ARPP21: variants seen among roughly 807,000 people sequenced by gnomAD.
ARPP21 encodes the protein cAMP regulated phosphoprotein 21, also known as cAMP-regulated phosphoprotein 21.
Under a neutral mutation model 113.2 loss-of-function variants are expected in ARPP21, and 69 were observed. The ratio of observed to expected loss-of-function variants is 0.61; its 90% CI spans 0.50 to 0.74. ARPP21 has a LOEUF of 0.74. ARPP21 is among the 30% of genes least tolerant of loss of function. The pLI, the probability that ARPP21 is intolerant of heterozygous loss-of-function variation, is 0.00. For synonymous variants in ARPP21, 368 were observed against 375.5 expected (o/e 0.98, Z 0.23); for missense variants, 1,070 against 1,037.4 (o/e 1.03, Z -0.43).
chr3:35,683,000 T>TG, intron 4 of ARPP21, 111 bp downstream of exon 4: 1 of 1,082,354 alleles, frequency 9.2e-7, no homozygotes, highest in Non-Finnish European at 1.3e-6. Context: ...CCAGATATTG[T>TG]GGGGCATCTC....
At chr3:35,748,526 A>G (rs969408642) in intron 19 of ARPP21, among the ~76,000 whole-genome samples, 5 of 152,104 alleles carry the variant, frequency 3.3e-5, no homozygotes, top group African/African-American at 9.7e-5. Flanking sequence ...GAAAGAGGAA[A>G]GAAAAGCAGT....
intron 19 of ARPP21, among the ~76,000 whole-genome samples, chr3:35,791,426 C>T (rs1362085964): frequency 6.6e-6 from 1 of 152,108 alleles, no homozygotes; most frequent in African/African-American, 2.4e-5. Flanking sequence ...CTGGAAGGAG[C>T]TTATTATACA....
intron 19 of ARPP21, among the ~76,000 whole-genome samples, chr3:35,748,058 A>AGAAGGAAG (rs754411154): frequency 0.052 from 4,185 of 80,578 alleles, 95 homozygotes; most frequent in South Asian, 0.063. Flanking sequence ...AAGAAAAGGA[A>AGAAGGAAG]GAAGGAAGGA....
intron 19 of ARPP21, chr3:35,785,087 A>G (rs904542899): frequency 6.6e-6 from 1 of 152,158 alleles, no homozygotes; most frequent in African/African-American, 2.4e-5. Flanking sequence ...TCATGGGGAC[A>G]GTTATTAGAG....
chr3:35,727,677 C>T (rs943784928), intron 14 of ARPP21, among the ~76,000 whole-genome samples: 4 of 152,058 alleles, frequency 2.6e-5, no homozygotes, highest in Non-Finnish European at 5.9e-5. Flanking sequence ...TTTAATCAAC[C>T]TCGTGTACTA....
intron 18 of ARPP21, among the ~76,000 whole-genome samples, chr3:35,742,909 C>T (rs892199144): frequency 4.6e-5 from 7 of 152,058 alleles, no homozygotes; most frequent in Admixed American, 3.9e-4. Flanking sequence ...AAGAAAGTGA[C>T]CTTAATATAA....
At chr3:35,751,766 C>T (rs1232781654) in intron 19 of ARPP21, among the ~76,000 whole-genome samples, 1 of 152,104 alleles carries the variant, frequency 6.6e-6, no homozygotes, top group Non-Finnish European at 1.5e-5. Flanking sequence ...AGAGGGTCTT[C>T]TGCTACTTTA....
At chr3:35,714,377 G>A (rs9872664) in intron 11 of ARPP21, among the ~76,000 whole-genome samples, 21,634 of 152,104 alleles carry the variant, frequency 0.14, 1,633 homozygotes, top group South Asian at 0.26. Context: ...CTCAGAAGTG[G>A]TTACATTAGC....
intron 9 of ARPP21, among the ~76,000 whole-genome samples, chr3:35,705,683 T>G (rs1445988136): frequency 1.3e-5 from 2 of 152,140 alleles, no homozygotes; most frequent in African/African-American, 4.8e-5. Context: ...GAGGGATGGT[T>G]TCCTTCTCTT....
chr3:35,725,482 G>T (rs978396810), intron 14 of ARPP21, among the ~76,000 whole-genome samples: 1 of 152,128 alleles, frequency 6.6e-6, no homozygotes, highest in African/African-American at 2.4e-5. Context: ...TTTTACAAAA[G>T]GGTATGTTGA....
chr3:35,680,300 G>C (rs770705674), intron 2 of ARPP21, among the ~76,000 whole-genome samples: 1 of 151,872 alleles, frequency 6.6e-6, no homozygotes, highest in African/African-American at 2.4e-5. Context: ...TAAGAAATCC[G>C]TCAGAATGCA....
At chr3:35,644,296 A>T (rs1460727090) in intron 1 of ARPP21, among the ~76,000 whole-genome samples, 1 of 151,886 alleles carries the variant, frequency 6.6e-6, no homozygotes, top group Non-Finnish European at 1.5e-5. Flanking sequence ...AATTTTGCTC[A>T]TCTTGGATTA....
intron 1 of ARPP21, among the ~76,000 whole-genome samples, chr3:35,646,722 C>T (rs1356762800): frequency 1.3e-5 from 2 of 151,916 alleles, no homozygotes; most frequent in Non-Finnish European, 2.9e-5. Context: ...TCATATTGGA[C>T]TACTTCATAT....
chr3:35,689,724 C>T (rs185635783), intron 7 of ARPP21, among the ~76,000 whole-genome samples: 2 of 151,738 alleles, frequency 1.3e-5, no homozygotes, highest in Admixed American at 6.6e-5. Flanking sequence ...TATTCATTTA[C>T]AGTCAATACT....
chr3:35,682,787 A>C, intron 3 of ARPP21, 61 bp from the exon 4 acceptor site: 4 of 1,470,528 alleles, frequency 2.7e-6, no homozygotes, highest in African/African-American at 1.4e-5. Flanking sequence ...TCGGTTGTTG[A>C]TTTACTGTTC....
chr3:35,702,284 C>T (rs920338397), intron 9 of ARPP21, among the ~76,000 whole-genome samples: 6 of 151,744 alleles, frequency 4.0e-5, no homozygotes, highest in Non-Finnish European at 7.4e-5. Flanking sequence ...TCCTACATTA[C>T]ATACCTTAAA....
rs1160394144 is a variant in ARPP21 at position 35,717,355 on chromosome 3, T to A, written c.993T>A (p.Phe331Leu). The change falls in exon 13 of 21, where the codon TTT (phenylalanine) becomes TTA (leucine). Residue 331 changes from phenylalanine to leucine, a missense_variant and splice_region_variant. Coordinates refer to ENST00000684406, the MANE Select transcript of ARPP21 (RefSeq NM_001385562.1). ...CNETYKKRQL[F>L]RGNRDGSGRT... is the part of the protein sequence containing the mutation. ...AGACCTATAAGAAAAGACAGCTCTT[T>A]CGGTTGGTATGGTTTACTTTCTTAA... is the stretch of plus-strand genomic sequence containing the variant. 1 of 1,592,854 alleles carries A rather than the reference T, an allele frequency of 6.3e-7. No homozygotes were observed. Among genetic ancestry groups the A allele is most frequent in the South Asian group, 1.1e-5 (1 of 90,606 alleles).
At chr3:35,760,964 C>G (rs1040199706) in intron 19 of ARPP21, among the ~76,000 whole-genome samples, 3 of 152,066 alleles carry the variant, frequency 2.0e-5, no homozygotes, top group African/African-American at 7.2e-5. Context: ...TAGTCTCTTT[C>G]AAAAGCACTT....
chr3:35,737,309 C>G lies in ARPP21; in HGVS notation c.1591C>G (p.Gln531Glu). The G allele has an allele frequency of 6.2e-7, 1 of 1,613,022 alleles. No homozygotes were observed. Among genetic ancestry groups the G allele is most frequent in the Non-Finnish European group, 8.5e-7 (1 of 1,179,392 alleles). Residue 531 changes from glutamine (Q) to glutamate (E), a missense_variant, in exon 16 of 21, where the codon CAA (glutamine) becomes GAA (glutamate). Transcript: ENST00000684406. ...PPQQQPSPQP[Q>E]QQVQPPQPQM... Reference sequence around the variant, plus strand: ...ACAGCAGCAGCCCTCCCCGCAGCCCCAACAGCAGGTCCAGCCACCGCAGCC... The same window carrying G: ...ACAGCAGCAGCCCTCCCCGCAGCCCGAACAGCAGGTCCAGCCACCGCAGCC...
Sources: gnomAD v4.1 joint callset for allele counts (sites outside exome capture counted in the v4.1 genomes callset) on GRCh38, gnomAD v4.1.1 for gene constraint, MANE v1.5 for transcripts, NCBI Gene and HGNC (gene_info 2026-07-23, HGNC 2026-07-21) for gene names.